ME3: variants seen among roughly 807,000 people sequenced by gnomAD.
ME3 encodes malic enzyme 3, also known as NADP-dependent malic enzyme, mitochondrial.
In ME3, 48 loss-of-function variants were observed where a neutral mutation model predicts 68.9. The ratio of observed to expected loss-of-function variants is 0.70; its 90% CI spans 0.55 to 0.89. The LOEUF (loss-of-function observed/expected upper bound fraction) is 0.89, where lower values mean the gene tolerates loss of function less well. Among genes scored for constraint, ME3 ranks in the 40% least tolerant of loss-of-function variants. The pLI is 0.00. For synonymous variants in ME3, 320 were observed against 318.8 expected (o/e 1.00, Z -0.04); for missense variants, 675 against 797.4 (o/e 0.85, Z 1.85).
rs554929007 is a variant in ME3 at position 86,487,366 on chromosome 11, C to T, written c.780G>A (p.Leu260=). Residue 260 remains leucine (L), a synonymous_variant, in exon 7 of 15, where the codon CTG becomes CTA. Transcript: ENST00000543262. Reference sequence around the variant, plus strand: ...CTGTCACAGCCTGCATGAACTCATCCAGCAAGTCATCGTATGCCTTCCCGT... The same window carrying T: ...CTGTCACAGCCTGCATGAACTCATCTAGCAAGTCATCGTATGCCTTCCCGT... 6 of 1,614,210 alleles carry T rather than the reference C, an allele frequency of 3.7e-6. No homozygotes were observed. In the South Asian group the frequency reaches 5.5e-5, roughly 15 times the overall value.
At chr11:86,634,321 T>C (rs1373060121) in intron 2 of ME3, among the ~76,000 whole-genome samples, 1 of 152,164 alleles carries the variant, frequency 6.6e-6, no homozygotes, top group Non-Finnish European at 1.5e-5. Context: ...ACCAGGACTG[T>C]CTTCTCCTTA....
rs745394009 is a variant in ME3, at chr11:86,556,698, T to C, written c.322A>G (p.Ile108Val). 1.9e-5 allele frequency: 30 copies of C among 1,613,866 alleles called. No individual in the cohort carries two copies. Among genetic ancestry groups the C allele is most frequent in the Non-Finnish European group, 2.4e-5 (28 of 1,179,914 alleles). The stretch of plus-strand genomic sequence containing the variant: ...CGGTCTTGGAGTGTCATGAGAATGA[T>C]GTACCTTGTAAAAGGAGAGAAAAAG... The change falls in exon 4 of 15, where the codon ATC becomes GTC. Residue 108 changes from isoleucine to valine, a missense_variant. Ile to Val is a conservative substitution (Grantham distance 29). Coordinates refer to ENST00000543262, the Ensembl canonical transcript of ME3.
chr11:86,538,383 A>C (rs1432876109), intron 4 of ME3, among the ~76,000 whole-genome samples: 1 of 152,176 alleles, frequency 6.6e-6, no homozygotes, highest in Non-Finnish European at 1.5e-5. Flanking sequence ...CTGTTGTATG[A>C]TTCAAAGATA....
At chr11:86,646,052 C>G (rs1325593075) in intron 2 of ME3, among the ~76,000 whole-genome samples, 1 of 152,116 alleles carries the variant, frequency 6.6e-6, no homozygotes, top group Non-Finnish European at 1.5e-5. Flanking sequence ...CTGAAGGTCA[C>G]CAGAATCAAA....
At chr11:86,531,883 G>A (rs539264696) in intron 4 of ME3, among the ~76,000 whole-genome samples, 1 of 151,512 alleles carries the variant, frequency 6.6e-6, no homozygotes, top group Non-Finnish European at 1.5e-5. Flanking sequence ...ATTAAATGAC[G>A]AGTTACTGGG....
At chr11:86,563,758 T>C (rs1957350015) in intron 2 of ME3, among the ~76,000 whole-genome samples, 1 of 152,208 alleles carries the variant, frequency 6.6e-6, no homozygotes, top group Non-Finnish European at 1.5e-5. Flanking sequence ...CAGATGGTTA[T>C]AGGTGTGTGG....
chr11:86,534,390 T>A (rs1955501259), intron 4 of ME3, among the ~76,000 whole-genome samples: 2 of 152,144 alleles, frequency 1.3e-5, no homozygotes, highest in Admixed American at 1.3e-4. Context: ...AACACTTAGC[T>A]TAGGCTGGGC....
chr11:86,486,077 C>T (rs1951672196), intron 7 of ME3, among the ~76,000 whole-genome samples: 2 of 152,142 alleles, frequency 1.3e-5, no homozygotes, highest in African/African-American at 2.4e-5. Flanking sequence ...CCCCCTCGCT[C>T]CCACCACCAC....
At chr11:86,577,102 T>C (rs1465085506) in intron 2 of ME3, among the ~76,000 whole-genome samples, 2 of 152,136 alleles carry the variant, frequency 1.3e-5, no homozygotes, top group Non-Finnish European at 1.5e-5. Context: ...CTGTTCCCAT[T>C]CTAAAGCCTG....
At chr11:86,537,472 A>G (rs1173874139) in intron 4 of ME3, among the ~76,000 whole-genome samples, 1 of 152,110 alleles carries the variant, frequency 6.6e-6, no homozygotes, top group Non-Finnish European at 1.5e-5. Flanking sequence ...TAGTCCTGTC[A>G]TTTCCACTGA....
intron 2 of ME3, among the ~76,000 whole-genome samples, chr11:86,581,558 A>G (rs1053117879): frequency 3.9e-5 from 6 of 152,246 alleles, no homozygotes; most frequent in Admixed American, 1.3e-4. Context: ...TAAGTGAAGC[A>G]GTTTGGGTAA....
At chr11:86,657,686 CA>C (rs1336955601) in intron 2 of ME3, among the ~76,000 whole-genome samples, 5 of 151,966 alleles carry the variant, frequency 3.3e-5, no homozygotes, top group African/African-American at 1.2e-4. Flanking sequence ...AACTTGTGAC[CA>C]AACTAGAAGA....
At chr11:86,620,539 GGAGT>G (rs891251122) in intron 2 of ME3, among the ~76,000 whole-genome samples, 1 of 152,172 alleles carries the variant, frequency 6.6e-6, no homozygotes, top group African/African-American at 2.4e-5. Flanking sequence ...AAGGGGCTTT[GGAGT>G]TAGTATGTGA....
intron 4 of ME3, among the ~76,000 whole-genome samples, chr11:86,521,741 T>A (rs2139190843): frequency 1.3e-5 from 2 of 152,366 alleles, no homozygotes; most frequent in East Asian, 3.9e-4. Flanking sequence ...CTCACTGATC[T>A]GTAGATCCAG....
At chr11:86,494,053 A>G (rs1300613418) in intron 6 of ME3, among the ~76,000 whole-genome samples, 2 of 34,048 alleles carry the variant, frequency 5.9e-5, no homozygotes, top group African/African-American at 1.9e-4. Flanking sequence ...GGTTTCATTG[A>G]AAAAAAAAAA....
At chr11:86,525,984 C>T (rs1439742531) in intron 4 of ME3, among the ~76,000 whole-genome samples, 3 of 152,082 alleles carry the variant, frequency 2.0e-5, no homozygotes, top group Non-Finnish European at 4.4e-5. Flanking sequence ...AACTGAGGTA[C>T]CGAGTTCATC....
At chr11:86,547,657 C>A (rs1305888291) in intron 4 of ME3, among the ~76,000 whole-genome samples, 3 of 151,848 alleles carry the variant, frequency 2.0e-5, no homozygotes, top group South Asian at 2.1e-4. Context: ...TAATTCAAAA[C>A]CAAAAACAAA....
intron 7 of ME3, among the ~76,000 whole-genome samples, chr11:86,476,493 T>C (rs1379750505): frequency 6.6e-6 from 1 of 152,224 alleles, no homozygotes; most frequent in Non-Finnish European, 1.5e-5. Context: ...CAAGCTTCTG[T>C]TTCTCATTTC....
intron 2 of ME3, among the ~76,000 whole-genome samples, chr11:86,565,888 G>T (rs1435633419): frequency 6.6e-6 from 1 of 152,224 alleles, no homozygotes; most frequent in Non-Finnish European, 1.5e-5. Flanking sequence ...GCCCTGTAGA[G>T]ACAATGTTTG....
Sources: gnomAD v4.1 joint callset for allele counts (sites outside exome capture counted in the v4.1 genomes callset) on GRCh38, gnomAD v4.1.1 for gene constraint, MANE v1.5 for transcripts, NCBI Gene and HGNC (gene_info 2026-07-23, HGNC 2026-07-21) for gene names.